The following NAV1 variants were observed in gnomAD, a reference collection of about 807,000 sequenced individuals.
NAV1 encodes the protein neuron navigator 1.
In NAV1, 18 loss-of-function variants were observed where a neutral mutation model predicts 175.2. The ratio of observed to expected loss-of-function variants is 0.10; its 90% CI spans 0.07 to 0.15. The LOEUF (loss-of-function observed/expected upper bound fraction) is 0.15. Among genes scored for constraint, NAV1 ranks in the 10% least tolerant of loss-of-function variants. The pLI, the probability that NAV1 is intolerant of heterozygous loss-of-function variation, is 1.00. For missense variants in NAV1, 1,731 were observed against 2,436.6 expected (o/e 0.71, Z 6.10); for synonymous variants, 897 against 978.7 (o/e 0.92, Z 1.56).
chr1:201,745,921 C>T (rs557781215), intron 3 of NAV1, among the ~76,000 whole-genome samples: 1 of 152,302 alleles, frequency 6.6e-6, no homozygotes, highest in Non-Finnish European at 1.5e-5. Context: ...CCACCTCTGC[C>T]TCCCAGCCTC....
intron 1 of NAV1, among the ~76,000 whole-genome samples, chr1:201,570,466 A>G (rs1462244222): frequency 6.6e-6 from 1 of 152,252 alleles, no homozygotes; most frequent in Admixed American, 6.5e-5. Context: ...CCAGCCAGCA[A>G]GCAGGCCTGC....
intron 1 of NAV1, among the ~76,000 whole-genome samples, chr1:201,564,940 A>T (rs750218694): frequency 6.6e-6 from 1 of 152,212 alleles, no homozygotes; most frequent in Non-Finnish European, 1.5e-5. Flanking sequence ...CTCTGCAGCT[A>T]GGAAAGGTTC....
At chr1:201,560,355 C>T (rs953518042) in intron 1 of NAV1, among the ~76,000 whole-genome samples, 1 of 152,184 alleles carries the variant, frequency 6.6e-6, no homozygotes, top group African/African-American at 2.4e-5. Context: ...AATCTTCTTC[C>T]CTTTGGGTTA....
chr1:201,642,147 T>C, intron 2 of NAV1, among the ~76,000 whole-genome samples: 1 of 147,174 alleles, frequency 6.8e-6, no homozygotes, highest in African/African-American at 2.5e-5. Context: ...TCTTTCCTTC[T>C]TTTTCTTTCT....
intron 2 of NAV1, among the ~76,000 whole-genome samples, chr1:201,608,033 A>T (rs1667739139): frequency 6.6e-6 from 1 of 151,998 alleles, no homozygotes; most frequent in South Asian, 2.1e-4. Context: ...AGATTTTCCA[A>T]GTTTTTTCTA....
intron 1 of NAV1, among the ~76,000 whole-genome samples, chr1:201,626,912 G>A (rs1250969035): frequency 1.3e-5 from 2 of 152,220 alleles, no homozygotes; most frequent in Non-Finnish European, 2.9e-5. Flanking sequence ...CATGTTTGGA[G>A]AGATGGAGGC....
rs192065364 is a variant in NAV1, at chr1:201,790,437, A to G, written c.3220-117A>G. 3.3e-4 allele frequency: 385 copies of G among 1,162,066 alleles called. 4 individuals are homozygous for G. The African/African-American group carries it at 5.4e-3, about 16-fold the overall frequency. 72.0% of individuals were successfully genotyped at this position (1,162,066 alleles called of 1,614,324 possible). On this transcript the variant is annotated intron_variant, in intron 11 of 29. Transcript: ENST00000367296. ...GAAACAAGAGTTTCAGCCTCTCTGC[A>G]CCTCTGAGTCATGCTTCTTCACATT...
chr1:201,702,686 C>CTT (rs1558080644), intron 1 of NAV1, among the ~76,000 whole-genome samples: 15 of 127,570 alleles, frequency 1.2e-4, no homozygotes, highest in African/African-American at 4.6e-4. Flanking sequence ...CTCTCTCTCT[C>CTT]TCTCTCTCTC....
Position 201,760,366 on chromosome 1 carries a change from T to C in NAV1, c.1227-20055T>C, listed in dbSNP as rs986738528. 1.5e-4 allele frequency among the ~76,000 whole-genome samples: 23 copies of C among 152,206 alleles called. 2 individuals carry two copies. On this transcript the variant is annotated intron_variant, in intron 3 of 29. Coordinates refer to ENST00000367296, the Ensembl canonical transcript of NAV1. ...TCAAAATAAATAAATAGATTAAACT[T>C]TTTTAAAAAAGAATATTATGTTTTA...
intron 2 of NAV1, among the ~76,000 whole-genome samples, chr1:201,631,708 A>G (rs773387050): frequency 5.5e-4 from 81 of 148,572 alleles, no homozygotes; most frequent in Non-Finnish European, 2.8e-4. Flanking sequence ...TCCCATTTAT[A>G]GAAGGATAAT....
chr1:201,738,098 G>A (rs1280250472), intron 3 of NAV1, among the ~76,000 whole-genome samples: 1 of 152,016 alleles, frequency 6.6e-6, no homozygotes, highest in Admixed American at 6.6e-5. Flanking sequence ...ATGTGAGAGA[G>A]AACCGTCTGC....
At chr1:201,645,458 C>T (rs988531297), upstream of NAV1, among the ~76,000 whole-genome samples, 2 of 151,174 alleles carry the variant, frequency 1.3e-5, no homozygotes, top group Non-Finnish European at 2.9e-5. Flanking sequence ...GCTAAATGAC[C>T]AGTTAATGGG....
At chr1:201,779,763 C>G (rs1676200287) in intron 3 of NAV1, among the ~76,000 whole-genome samples, 1 of 152,088 alleles carries the variant, frequency 6.6e-6, no homozygotes, top group South Asian at 2.1e-4. Context: ...CCTAATACCA[C>G]AGACCTGATA....
Position 201,788,711 on chromosome 1 carries a change from C to A in NAV1, c.3166+73C>A. 1 of 1,440,430 alleles carries A rather than the reference C, an allele frequency of 6.9e-7. No homozygotes were observed. The highest frequency in any genetic ancestry group is 1.9e-5 in the Admixed American group (1 of 52,642). 89.2% of individuals were successfully genotyped at this position (1,440,430 alleles called of 1,614,324 possible). ...GTCCCCTCACCCACCACCTCCACTC[C>A]CACCACTCCTACCACCACACACATA... On this transcript the variant is annotated intron_variant, in intron 10 of 29. Coordinates refer to ENST00000367296, the Ensembl canonical transcript of NAV1. The surrounding 1 kb of genome is among the most constrained non-coding windows in gnomAD (Gnocchi z 5.7).
intron 3 of NAV1, among the ~76,000 whole-genome samples, chr1:201,765,277 G>A (rs1675128091): frequency 6.6e-6 from 1 of 151,812 alleles, no homozygotes; most frequent in African/African-American, 2.4e-5. Context: ...AAAGAAAAAG[G>A]CAATGGTGGA....
At chr1:201,625,770 G>T (rs115416528) in intron 1 of NAV1, among the ~76,000 whole-genome samples, 3,146 of 152,248 alleles carry the variant, frequency 0.021, 108 homozygotes, top group African/African-American at 0.072. Context: ...GCATTAAATT[G>T]TTTAAGATTT....
Position 201,810,830 on chromosome 1 carries a change from C to A in NAV1, c.4797+72C>A. 8.8e-7 allele frequency: 1 copy of A among 1,135,140 alleles called. No individual in the cohort carries two copies. Among genetic ancestry groups the A allele is most frequent in the South Asian group, 1.4e-5 (1 of 71,854 alleles). The allele number at this position is 1,135,140 out of a possible 1,614,324, so 70.3% of individuals were successfully genotyped here. On this transcript the variant is annotated intron_variant, in intron 24 of 29. Transcript: ENST00000367296. The surrounding 1 kb of genome is among the most constrained non-coding windows in gnomAD (Gnocchi z 6.0). ...CTTCCCTAAGACCCTTCCTCGGCCC[C>A]TTCCTGCCTCATTGTTCCCTTTTCC...
At chr1:201,627,688 A>G (rs1302301033) in intron 1 of NAV1, among the ~76,000 whole-genome samples, 3 of 152,194 alleles carry the variant, frequency 2.0e-5, no homozygotes. Flanking sequence ...CACATTATAT[A>G]GAATTCCCTC....
At chr1:201,806,989 C>T (rs1189209653) in intron 17 of NAV1, among the ~76,000 whole-genome samples, 4 of 152,084 alleles carry the variant, frequency 2.6e-5, no homozygotes, top group Non-Finnish European at 5.9e-5. Context: ...ACCTTTGACC[C>T]CTCCTTTACT....
Sources: allele counts gnomAD v4.1 joint callset (sites outside exome capture counted in the v4.1 genomes callset), GRCh38; gene constraint gnomAD v4.1.1; non-coding constraint Gnocchi (gnomAD v3.1); transcripts MANE v1.5; gene names NCBI Gene and HGNC (gene_info 2026-07-23, HGNC 2026-07-21).